MDGA2: variants seen among roughly 807,000 people sequenced by gnomAD.
MDGA2 encodes MAM domain containing glycosylphosphatidylinositol anchor 2, also known as MAM domain-containing glycosylphosphatidylinositol anchor protein 2.
In MDGA2, 40 loss-of-function variants were observed where a neutral mutation model predicts 117.8. That is an observed-to-expected ratio of 0.34 (90% CI 0.26 to 0.44). The LOEUF is 0.44. MDGA2 is among the 20% of genes least tolerant of loss of function. MDGA2 has a pLI of 1.00. For missense variants in MDGA2, 1,123 were observed against 1,250.6 expected, an observed-to-expected ratio of 0.90 and a Z score of 1.54; for synonymous variants, 452 against 439.0, an observed-to-expected ratio of 1.03 and a Z score of -0.37.
intron 4 of MDGA2, among the ~76,000 whole-genome samples, chr14:47,133,783 C>G (rs1037129638): frequency 1.3e-5 from 2 of 151,968 alleles, no homozygotes; most frequent in African/African-American, 4.8e-5. Flanking sequence ...CTTATTCATA[C>G]ATTCAGTATC....
At chr14:47,145,670 C>G (rs924614681) in intron 3 of MDGA2, among the ~76,000 whole-genome samples, 1 of 151,990 alleles carries the variant, frequency 6.6e-6, no homozygotes, top group Non-Finnish European at 1.5e-5. Context: ...GTCAGCAGAT[C>G]GGAATGATAA....
intron 8 of MDGA2, among the ~76,000 whole-genome samples, chr14:46,994,477 T>C (rs866022824): frequency 4.6e-5 from 7 of 151,096 alleles, no homozygotes; most frequent in African/African-American, 1.5e-4. Flanking sequence ...AGTGCTTGGA[T>C]GACAAATTAA....
At position 46,841,937 on chromosome 14, in the gene MDGA2, T is replaced by C. The variant is rs1218786044; in HGVS notation, c.3072A>G (p.Arg1024=). ...IIVLISILSP[R]R ...AGCCTCTGCCAGGATAAGGTCACCT[T>C]CGAGGACTTAAGATAGAGATGAGGA... is the stretch of plus-strand genomic sequence containing the variant. Residue 1024 remains arginine, a synonymous_variant, in exon 17 of 17, where the codon CGA becomes CGG. Transcript: ENST00000399232. 2 of 1,608,350 alleles carry C rather than the reference T, an allele frequency of 1.2e-6. No homozygotes were observed. Among genetic ancestry groups the C allele is most frequent in the East Asian group, 4.5e-5 (2 of 44,706 alleles).
At chr14:47,582,942 T>A (rs1345559823) in intron 1 of MDGA2, among the ~76,000 whole-genome samples, 1 of 151,908 alleles carries the variant, frequency 6.6e-6, no homozygotes, top group Non-Finnish European at 1.5e-5. Context: ...TGAGCAAATG[T>A]ACATCTTATC....
At chr14:47,634,388 A>T (rs1216381712) in intron 1 of MDGA2, among the ~76,000 whole-genome samples, 1 of 152,084 alleles carries the variant, frequency 6.6e-6, no homozygotes, top group Non-Finnish European at 1.5e-5. Context: ...AGTAGACAAG[A>T]AAACAAATAA....
At chr14:47,386,079 C>T (rs1891750377) in intron 1 of MDGA2, among the ~76,000 whole-genome samples, 1 of 151,874 alleles carries the variant, frequency 6.6e-6, no homozygotes, top group South Asian at 2.1e-4. Flanking sequence ...GTCAGGAGTT[C>T]GAGACCAGCC....
chr14:46,995,939 A>G (rs1160912770), intron 8 of MDGA2, among the ~76,000 whole-genome samples: 2 of 152,074 alleles, frequency 1.3e-5, no homozygotes, highest in Non-Finnish European at 2.9e-5. Flanking sequence ...TGGTTGAAAA[A>G]AATGAAGACC....
rs3039469 is a variant in MDGA2 at position 47,289,338 on chromosome 14, C to CACAT, written c.420+12072_420+12073insATGT. 1.6e-4 allele frequency among the ~76,000 whole-genome samples: 24 copies of CACAT among 148,438 alleles called. No individual in the cohort carries two copies. The East Asian group carries it at 4.3e-3, about 27-fold the overall frequency. ...ACACACACACACACACACACACACA[C>CACAT]GCACACACTCTCATACTTAAGGCAT... is the stretch of plus-strand genomic sequence containing the variant. On this transcript the variant is annotated intron_variant, in intron 2 of 16. Coordinates refer to ENST00000399232, the MANE Select transcript of MDGA2 (RefSeq NM_001113498.3).
Position 47,674,954 on chromosome 14 carries a change from T to A in MDGA2, c.-158A>T. 4.2e-6 allele frequency: 2 copies of A among 471,848 alleles called. No homozygotes were observed. Among genetic ancestry groups the A allele is most frequent in the East Asian group, 3.6e-5 (1 of 27,918 alleles). 29.2% of individuals were successfully genotyped at this position (471,848 alleles called of 1,614,324 possible). ...TGGGAAGGGGAGCTGCGAGGCGAAG[T>A]GTTCTTCAGGGAAGCGGGCTCGAGT... is the stretch of plus-strand genomic sequence containing the variant. On this transcript the variant is annotated 5_prime_UTR_variant, in exon 1 of 17. Transcript: ENST00000399232.
intron 14 of MDGA2, among the ~76,000 whole-genome samples, chr14:46,869,492 C>G (rs1265458169): frequency 6.6e-6 from 1 of 151,438 alleles, no homozygotes; most frequent in South Asian, 2.1e-4. Context: ...ACATATAAAT[C>G]AGCAGGTACT....
intron 8 of MDGA2, 95 bp downstream of exon 8, chr14:47,034,916 C>A: frequency 1.9e-6 from 2 of 1,068,644 alleles, no homozygotes; most frequent in Non-Finnish European, 1.4e-6. Flanking sequence ...TTCATTCAAT[C>A]TAGTTACAAA....
chr14:46,918,044 G>C (rs779426433), intron 10 of MDGA2, among the ~76,000 whole-genome samples: 1 of 152,120 alleles, frequency 6.6e-6, no homozygotes, highest in Non-Finnish European at 1.5e-5. Flanking sequence ...AAGATGATGA[G>C]AAGGGTTGGG....
At chr14:47,028,255 G>C (rs1480126864) in intron 8 of MDGA2, among the ~76,000 whole-genome samples, 5 of 152,016 alleles carry the variant, frequency 3.3e-5, no homozygotes. Context: ...TTCTAATAGA[G>C]TCTTTGGAAT....
chr14:47,276,878 A>G (rs1248321002), intron 2 of MDGA2, among the ~76,000 whole-genome samples: 2 of 152,018 alleles, frequency 1.3e-5, no homozygotes, highest in African/African-American at 4.8e-5. Context: ...ATTCCCTACT[A>G]GTTTATTTTC....
intron 8 of MDGA2, among the ~76,000 whole-genome samples, chr14:47,027,884 G>C (rs555835774): frequency 6.6e-6 from 1 of 151,992 alleles, no homozygotes; most frequent in African/African-American, 2.4e-5. Context: ...ATATTCAAGA[G>C]TAATGTAAAT....
chr14:46,886,831 G>A (rs1165020937), intron 10 of MDGA2, among the ~76,000 whole-genome samples: 1 of 151,824 alleles, frequency 6.6e-6, no homozygotes, highest in Non-Finnish European at 1.5e-5. Flanking sequence ...CTTTTCCTGT[G>A]TTCTAAATGT....
At chr14:46,893,213 G>A (rs893364231) in intron 10 of MDGA2, among the ~76,000 whole-genome samples, 1 of 151,900 alleles carries the variant, frequency 6.6e-6, no homozygotes, top group East Asian at 1.9e-4. Context: ...GGACCTAGAA[G>A]AATTAAGCTA....
intron 1 of MDGA2, among the ~76,000 whole-genome samples, chr14:47,407,223 T>C (rs1033918925): frequency 1.3e-5 from 2 of 152,152 alleles, no homozygotes; most frequent in Non-Finnish European, 2.9e-5. Flanking sequence ...GTTTTTTGTT[T>C]TGTTTCACTT....
At chr14:47,579,783 C>T (rs1896194315) in intron 1 of MDGA2, among the ~76,000 whole-genome samples, 1 of 152,014 alleles carries the variant, frequency 6.6e-6, no homozygotes, top group African/African-American at 2.4e-5. Flanking sequence ...CTAAAATCTA[C>T]AATTGAATCC....
Sources: allele counts gnomAD v4.1 joint callset (sites outside exome capture counted in the v4.1 genomes callset), GRCh38; gene constraint gnomAD v4.1.1; transcripts MANE v1.5; gene names NCBI Gene and HGNC (gene_info 2026-07-23, HGNC 2026-07-21).